The following NKAIN2 variants were observed in gnomAD, a reference collection of about 807,000 sequenced individuals.
The protein encoded by NKAIN2 is sodium/potassium-transporting ATPase subunit beta-1-interacting protein 2.
NKAIN2 carries 14 observed loss-of-function variants against 32.6 expected under a neutral mutation model. The ratio of observed to expected loss-of-function variants is 0.43; its 90% CI spans 0.28 to 0.67. NKAIN2 has a LOEUF of 0.67. Among genes scored for constraint, NKAIN2 ranks in the 30% least tolerant of loss-of-function variants. The pLI, the probability that NKAIN2 is intolerant of heterozygous loss-of-function variation, is 0.17. For synonymous variants in NKAIN2, 80 were observed against 87.2 expected, an observed-to-expected ratio of 0.92 and a Z score of 0.46; for missense variants, 198 against 258.3, an observed-to-expected ratio of 0.77 and a Z score of 1.60.
At chr6:124,568,822 C>CAAAAAAAAAAAAAAAAA (rs3053601) in intron 3 of NKAIN2, among the ~76,000 whole-genome samples, 1 of 80,524 alleles carries the variant, frequency 1.2e-5, no homozygotes, top group African/African-American at 5.6e-5. Flanking sequence ...AGCACTGTGG[C>CAAAAAAAAAAAAAAAAA]AAAAAAAAAA....
chr6:124,043,917 G>A (rs1781993954), intron 1 of NKAIN2, among the ~76,000 whole-genome samples: 1 of 152,058 alleles, frequency 6.6e-6, no homozygotes, highest in Non-Finnish European at 1.5e-5. Flanking sequence ...TGAACGGAAA[G>A]TAAGACAAAC....
intron 4 of NKAIN2, among the ~76,000 whole-genome samples, chr6:124,791,032 T>A (rs6918868): frequency 0.13 from 19,954 of 152,220 alleles, 1,425 homozygotes; most frequent in African/African-American, 0.16. Flanking sequence ...CAAATGTTAA[T>A]CCACTAGTGA....
chr6:123,936,061 T>C (rs1300132654), intron 1 of NKAIN2, among the ~76,000 whole-genome samples: 2 of 152,200 alleles, frequency 1.3e-5, no homozygotes, highest in Non-Finnish European at 2.9e-5. Flanking sequence ...AGTTGCTGAC[T>C]GCATCCACTA....
At chr6:124,519,862 G>C (rs1445418910) in intron 3 of NKAIN2, among the ~76,000 whole-genome samples, 2 of 152,176 alleles carry the variant, frequency 1.3e-5, no homozygotes, top group East Asian at 1.9e-4. Flanking sequence ...ACCATCAAAA[G>C]AGACGAAATT....
chr6:124,344,970 T>A (rs550732712), intron 2 of NKAIN2, among the ~76,000 whole-genome samples: 1 of 152,360 alleles, frequency 6.6e-6, no homozygotes, highest in East Asian at 1.9e-4. Flanking sequence ...GCTGTGGTTT[T>A]GTCATAGATA....
chr6:124,107,559 A>C (rs751076169), intron 1 of NKAIN2, among the ~76,000 whole-genome samples: 6 of 152,162 alleles, frequency 3.9e-5, no homozygotes, highest in Non-Finnish European at 8.8e-5. Flanking sequence ...ACTTAACATG[A>C]GGTCTACAAT....
chr6:124,189,348 A>G (rs1409311758), intron 1 of NKAIN2, among the ~76,000 whole-genome samples: 3 of 152,214 alleles, frequency 2.0e-5, no homozygotes, highest in Non-Finnish European at 4.4e-5. Flanking sequence ...CTAAGATTCT[A>G]TTAGATCTTT....
chr6:124,164,984 G>C (rs991986482), intron 1 of NKAIN2, among the ~76,000 whole-genome samples: 1 of 152,054 alleles, frequency 6.6e-6, no homozygotes, highest in Admixed American at 6.6e-5. Context: ...TTCATGGTCA[G>C]AGGTTCTTTT....
At chr6:124,341,963 G>C (rs1031272540) in intron 2 of NKAIN2, among the ~76,000 whole-genome samples, 1 of 152,184 alleles carries the variant, frequency 6.6e-6, no homozygotes, top group African/African-American at 2.4e-5. Flanking sequence ...ATAAGACCAT[G>C]GTGAGAATGC....
intron 1 of NKAIN2, among the ~76,000 whole-genome samples, chr6:124,074,118 A>T (rs1034773837): frequency 2.0e-5 from 3 of 152,166 alleles, no homozygotes; most frequent in African/African-American, 7.2e-5. Context: ...TTCAAGAATC[A>T]TCTCCCAGTG....
intron 1 of NKAIN2, among the ~76,000 whole-genome samples, chr6:124,091,799 A>G (rs1011025675): frequency 5.3e-5 from 8 of 151,936 alleles, no homozygotes; most frequent in African/African-American, 1.7e-4. Flanking sequence ...TATCATGTGC[A>G]TTGAAGTCCA....
chr6:123,974,356 G>C (rs944316148), intron 1 of NKAIN2, among the ~76,000 whole-genome samples: 18 of 151,652 alleles, frequency 1.2e-4, no homozygotes, highest in Non-Finnish European at 1.9e-4. Flanking sequence ...CTTTATTTCA[G>C]TTCCTGCCGT....
At position 123,878,704 on chromosome 6, in the gene NKAIN2, C is replaced by T. The variant is rs575089230; in HGVS notation, c.54+74450C>T. 3.1e-4 allele frequency among the ~76,000 whole-genome samples: 47 copies of T among 152,254 alleles called. No homozygotes were observed. In the East Asian group the frequency reaches 5.2e-3, roughly 17 times the overall value. On this transcript the variant is annotated intron_variant, in intron 1 of 6. Transcript: ENST00000368417. Reference sequence around the variant, plus strand: ...AAGTGCTGTAACATGGTTCCACCCACTACTGATGCTCTGAATGCTGCCTGC... The same window carrying T: ...AAGTGCTGTAACATGGTTCCACCCATTACTGATGCTCTGAATGCTGCCTGC...
chr6:124,006,191 G>A lies in NKAIN2; in HGVS notation c.54+201937G>A, dbSNP rs537690056. ...AGAAATGAGATGCACTTTCTATAGCGTCTTTAGAACCAGAATTTACACAGG... is the reference window on the plus strand; with the variant it reads ...AGAAATGAGATGCACTTTCTATAGCATCTTTAGAACCAGAATTTACACAGG... On this transcript the variant is annotated intron_variant, in intron 1 of 6. Transcript: ENST00000368417. Among the ~76,000 whole-genome samples the A allele has an allele frequency of 5.9e-5, 9 of 152,248 alleles. No homozygotes were observed. The South Asian group carries it at 8.3e-4, about 14-fold the overall frequency.
chr6:124,059,188 T>C (rs891334965), intron 1 of NKAIN2, among the ~76,000 whole-genome samples: 2 of 152,192 alleles, frequency 1.3e-5, no homozygotes, highest in African/African-American at 4.8e-5. Context: ...TTTATCTCCT[T>C]GTGTTAAATC....
At chr6:124,730,661 A>C (rs1776617932) in intron 4 of NKAIN2, among the ~76,000 whole-genome samples, 1 of 146,334 alleles carries the variant, frequency 6.8e-6, no homozygotes, top group African/African-American at 2.5e-5. Flanking sequence ...CAAGGACTTC[A>C]TGTCTAAAAC....
At chr6:124,145,018 A>G (rs559584189) in intron 1 of NKAIN2, among the ~76,000 whole-genome samples, 1 of 152,364 alleles carries the variant, frequency 6.6e-6, no homozygotes, top group Admixed American at 6.5e-5. Context: ...AGAGAAGCAC[A>G]TGAAAAGATG....
intron 1 of NKAIN2, among the ~76,000 whole-genome samples, chr6:124,179,065 G>A (rs534999688): frequency 1.3e-5 from 2 of 152,320 alleles, no homozygotes; most frequent in Non-Finnish European, 2.9e-5. Flanking sequence ...AATTAGCAAA[G>A]ACTTTAAAAT....
chr6:124,128,830 C>T (rs574176076), intron 1 of NKAIN2, among the ~76,000 whole-genome samples: 4 of 152,248 alleles, frequency 2.6e-5, no homozygotes, highest in Non-Finnish European at 5.9e-5. Context: ...TTACCACTGC[C>T]ACTAAAAGAG....
Sources: allele counts gnomAD v4.1 joint callset (sites outside exome capture counted in the v4.1 genomes callset), GRCh38; gene constraint gnomAD v4.1.1; transcripts MANE v1.5; gene names NCBI Gene and HGNC (gene_info 2026-07-23, HGNC 2026-07-21).